Variants in ZNF19 observed in about 807,000 individuals in gnomAD.
ZNF19 encodes the protein zinc finger protein 19.
In ZNF19, 11 loss-of-function variants were observed where a neutral mutation model predicts 13.1. That is an observed-to-expected ratio of 0.84 (90% CI 0.53 to 1.39). The LOEUF is 1.39. Among genes scored for constraint, ZNF19 ranks in the 40% most tolerant of loss-of-function variants. The probability of loss-of-function intolerance (pLI) is 0.00; values close to 1 mark genes in which losing one functional copy is unlikely to be tolerated. For synonymous variants in ZNF19, 186 were observed against 187.0 expected (o/e 0.99, Z 0.04); for missense variants, 560 against 547.0 (o/e 1.02, Z -0.24).
chr16:71,475,169 A>G lies in ZNF19; in HGVS notation c.*1T>C. 1 of 1,578,282 alleles carries G rather than the reference A, an allele frequency of 6.3e-7. No homozygotes were observed. The highest frequency in any genetic ancestry group is 8.6e-7 in the Non-Finnish European group (1 of 1,160,652). On this transcript the variant is annotated 3_prime_UTR_variant, in exon 6 of 6. Coordinates refer to ENST00000288177, the MANE Select transcript of ZNF19 (RefSeq NM_006961.4). ...TCAGTACATTTCACTGGAGTGTACT[A>G]TTACCAGTAAAAGGGGGTAAAAAAT...
At chr16:71,488,458 C>A (rs2043696163) in intron 1 of ZNF19, among the ~76,000 whole-genome samples, 1 of 151,932 alleles carries the variant, frequency 6.6e-6, no homozygotes, top group African/African-American at 2.4e-5. Context: ...ACATGATTAT[C>A]TGTATAAGAA....
At chr16:71,486,906 G>A (rs2043682418) in intron 1 of ZNF19, among the ~76,000 whole-genome samples, 1 of 152,146 alleles carries the variant, frequency 6.6e-6, no homozygotes, top group Admixed American at 6.5e-5. Flanking sequence ...GAAGAGTTGA[G>A]TATATTCTTG....
At chr16:71,476,684 A>G (rs758388376) in intron 5 of ZNF19, among the ~76,000 whole-genome samples, 1 of 152,238 alleles carries the variant, frequency 6.6e-6, no homozygotes, top group Non-Finnish European at 1.5e-5. Flanking sequence ...AAGCAAAGGC[A>G]AAGGATGAAT....
chr16:71,487,981 G>C (rs2043691023), intron 1 of ZNF19, among the ~76,000 whole-genome samples: 1 of 152,138 alleles, frequency 6.6e-6, no homozygotes, highest in Admixed American at 6.5e-5. Context: ...CCAAGATTGG[G>C]AACATGGCAG....
In ZNF19 at chr16:71,478,322, AGGTTTG is replaced by A; in HGVS notation, c.174_179del (p.Lys59_Pro60del). The A allele has an allele frequency of 6.2e-7, 1 of 1,613,796 alleles. No homozygotes were observed. Among genetic ancestry groups the A allele is most frequent in the Non-Finnish European group, 8.5e-7 (1 of 1,179,826 alleles). ...CTCTCTCCAAAAGTGAGATCAGTGC[AGGTTTG>A]GGAACTGGGTACCCTGAAAACAGGA... On this transcript the variant is annotated inframe_deletion, in exon 5 of 6. Coordinates refer to ENST00000288177, the MANE Select transcript of ZNF19 (RefSeq NM_006961.4).
rs992642240 is a variant in ZNF19 at position 71,475,184 on chromosome 16, G to C, written c.1363C>G (p.Pro455Ala). Residue 455 changes from proline (P) to alanine (A), a missense_variant, in exon 6 of 6, where the codon CCC becomes GCC. Physicochemically the swap from Pro to Ala is conservative, Grantham distance 27. Transcript: ENST00000288177. ...GGAGTGTACTATTACCAGTAAAAGG[G>C]GGTAAAAAATTCTGGGAGGCCAAAA... is the stretch of plus-strand genomic sequence containing the variant. The part of the protein sequence containing the change: ...CRFGLPEFFT[P>A]FYW The C allele has an allele frequency of 6.3e-7, 1 of 1,599,996 alleles. No homozygotes were observed.
chr16:71,479,192 C>A, intron 3 of ZNF19, 187 bp from the exon 4 acceptor site: 1 of 664,470 alleles, frequency 1.5e-6, no homozygotes, highest in Non-Finnish European at 2.6e-6. Flanking sequence ...GAACTTCTCT[C>A]ACTACCAGAA....
chr16:71,481,544 G>T (rs1463217853), intron 3 of ZNF19, among the ~76,000 whole-genome samples: 2 of 152,140 alleles, frequency 1.3e-5, no homozygotes, highest in African/African-American at 4.8e-5. Context: ...TGTCCTGTTG[G>T]GAGTGTAGAC....
rs773361881 is a variant in ZNF19, at chr16:71,475,832, G to A, written c.715C>T (p.His239Tyr). The A allele has an allele frequency of 6.2e-7, 1 of 1,613,800 alleles. No individual in the cohort carries two copies. The highest frequency in any genetic ancestry group is 1.3e-5 in the African/African-American group (1 of 74,818). Reference protein sequence around the residue: ...NANLIRHQRIHSGDRPYYCTE... With the variant: ...NANLIRHQRIYSGDRPYYCTE... ...CAGTAATAGGGTCTGTCCCCACTGT[G>A]GATTCTCTGATGCCTGATCAGATTT... Residue 239 changes from histidine to tyrosine, a missense_variant, in exon 6 of 6, where the codon CAC (histidine) becomes TAC (tyrosine). By Grantham distance (83) the His-to-Tyr change is moderately conservative (BLOSUM62 2). Transcript: ENST00000288177.
intron 2 of ZNF19, among the ~76,000 whole-genome samples, chr16:71,484,373 C>G (rs1025992766): frequency 5.3e-5 from 8 of 152,248 alleles, no homozygotes; most frequent in African/African-American, 1.9e-4. Flanking sequence ...CCCATATCCA[C>G]AGCCTCCATT....
At chr16:71,485,358 G>A (rs2043670281) in intron 1 of ZNF19, among the ~76,000 whole-genome samples, 2 of 151,624 alleles carry the variant, frequency 1.3e-5, no homozygotes, top group Non-Finnish European at 2.9e-5. Context: ...GCTGAGGCAG[G>A]AGAATTGCTT....
Position 71,479,003 on chromosome 16 carries a change from C to T in ZNF19, c.36G>A (p.Glu12=), listed in dbSNP as rs750895528. ...CAGCCACATCCTCGAAGGTCACCAT[C>T]TCCTAAAACAACAGGTTCCTGCTGC... ...AAMPLKAQYQ[E]MVTFEDVAVH... Residue 12 remains glutamate (E), a splice_region_variant and synonymous_variant, in exon 4 of 6, where the codon GAG becomes GAA. Transcript: ENST00000288177. The T allele has an allele frequency of 1.9e-6, 3 of 1,614,214 alleles. No individual in the cohort carries two copies. Among genetic ancestry groups the T allele is most frequent in the Admixed American group, 1.7e-5 (1 of 60,026 alleles).
At chr16:71,485,765 C>T (rs186472691) in intron 1 of ZNF19, among the ~76,000 whole-genome samples, 1 of 152,136 alleles carries the variant, frequency 6.6e-6, no homozygotes, top group East Asian at 1.9e-4. Context: ...ATTCACACAC[C>T]ATACAATTCA....
rs1182943908 is a variant in ZNF19 at position 71,485,190 on chromosome 16, CTGT to C, written c.-189-445_-189-443del. Among the ~76,000 whole-genome samples the C allele has an allele frequency of 9.1e-4, 138 of 152,278 alleles. 1 individual carries two copies. The East Asian group carries it at 0.025, about 27-fold the overall frequency. ...GCAGGCCAGGCGCGGTGGCTCACGC[CTGT>C]AATCCCAGCACTTTCGGAGGCCAAG... On this transcript the variant is annotated intron_variant, in intron 1 of 5. Coordinates refer to ENST00000288177, the MANE Select transcript of ZNF19 (RefSeq NM_006961.4).
chr16:71,485,555 ATT>A (rs545402974), intron 1 of ZNF19, among the ~76,000 whole-genome samples: 4 of 146,900 alleles, frequency 2.7e-5, no homozygotes, highest in African/African-American at 9.9e-5. Flanking sequence ...AACGGTGGAC[ATT>A]TTTTTTTTTA....
intron 2 of ZNF19, among the ~76,000 whole-genome samples, chr16:71,484,097 T>C (rs549102772): frequency 6.6e-6 from 1 of 152,246 alleles, no homozygotes; most frequent in Admixed American, 6.5e-5. Context: ...AGCCACACTT[T>C]GTGCACGTCA....
chr16:71,477,964 CTGAATAAATCCAT>C, intron 5 of ZNF19: 2 of 379,516 alleles, frequency 5.3e-6, no homozygotes, highest in Admixed American at 8.4e-5. Context: ...AAAACTGCTC[CTGAATAAATCCAT>C]CCCAACCAAG....
intron 1 of ZNF19, among the ~76,000 whole-genome samples, chr16:71,485,779 A>G (rs1361434014): frequency 6.6e-6 from 1 of 152,192 alleles, no homozygotes; most frequent in Non-Finnish European, 1.5e-5. Context: ...CAATTCATCA[A>G]TGCAGAGTAT....
Position 71,475,938 on chromosome 16 carries a change from C to A in ZNF19, c.609G>T (p.Ser203=). 1.2e-6 allele frequency: 2 copies of A among 1,613,150 alleles called. No homozygotes were observed. Among genetic ancestry groups the A allele is most frequent in the Non-Finnish European group, 1.7e-6 (2 of 1,179,806 alleles). Residue 203 remains serine (S), a synonymous_variant, in exon 6 of 6, where the codon TCG becomes TCT. Transcript: ENST00000288177. ...TGTGAATCCTCTGGTGCCGAATTAA[C>A]GAAGAATTACCATTAAAGGCTTTTC... The part of the protein sequence containing the change: ...ECGKAFNGNS[S]LIRHQRIHTG...
Sources: gnomAD v4.1 joint callset for allele counts (sites outside exome capture counted in the v4.1 genomes callset) on GRCh38, gnomAD v4.1.1 for gene constraint, MANE v1.5 for transcripts, NCBI Gene and HGNC (gene_info 2026-07-23, HGNC 2026-07-21) for gene names.